Variants in CSMD1 observed in about 807,000 individuals in gnomAD.
The protein encoded by CSMD1 is CUB and sushi domain-containing protein 1.
CSMD1 carries 213 observed loss-of-function variants against 417.5 expected under a neutral mutation model. The observed-to-expected ratio is 0.51, with a 90% CI of 0.46 to 0.57. The LOEUF (loss-of-function observed/expected upper bound fraction) is 0.57. Ranked by LOEUF, CSMD1 falls within the 20% of genes least tolerant of loss-of-function variation. CSMD1 has a pLI of 0.00. For synonymous variants in CSMD1, 2,862 were observed against 1,736.8 expected (o/e 1.65, Z -16.11); for missense variants, 6,923 against 4,529.7 (o/e 1.53, Z -15.17).
At chr8:3,102,408 T>G (rs1225575403) in intron 46 of CSMD1, among the ~76,000 whole-genome samples, 2 of 152,198 alleles carry the variant, frequency 1.3e-5, no homozygotes, top group Non-Finnish European at 2.9e-5. Flanking sequence ...GTTATCCTGT[T>G]CGCCTCCTGA....
intron 7 of CSMD1, among the ~76,000 whole-genome samples, chr8:3,661,003 G>T (rs1798390155): frequency 1.3e-5 from 2 of 152,314 alleles, no homozygotes; most frequent in Middle Eastern, 6.8e-3. Context: ...CCAGCACCCA[G>T]CGTCAACTGC....
intron 1 of CSMD1, among the ~76,000 whole-genome samples, chr8:4,737,485 G>T (rs966771346): frequency 2.0e-5 from 3 of 151,960 alleles, no homozygotes; most frequent in Non-Finnish European, 2.9e-5. Context: ...TACCCCTGAA[G>T]TTAAAATAAC....
intron 1 of CSMD1, among the ~76,000 whole-genome samples, chr8:4,833,693 A>C (rs1478964675): frequency 6.6e-6 from 1 of 152,216 alleles, no homozygotes. Context: ...AGCTGGATCA[A>C]TATCTAGTGG....
intron 50 of CSMD1, among the ~76,000 whole-genome samples, chr8:3,030,275 A>T (rs1016062565): frequency 2.6e-5 from 4 of 152,008 alleles, no homozygotes; most frequent in Non-Finnish European, 5.9e-5. Context: ...TTCTTTGAAA[A>T]GTGCAAGATG....
intron 52 of CSMD1, among the ~76,000 whole-genome samples, chr8:3,018,156 A>G (rs1809021488): frequency 6.6e-6 from 1 of 152,262 alleles, no homozygotes; most frequent in Admixed American, 6.5e-5. Flanking sequence ...AAATTTTTAA[A>G]AACATAAAAT....
chr8:4,458,958 A>T (rs1037622004), intron 2 of CSMD1, among the ~76,000 whole-genome samples: 4 of 152,210 alleles, frequency 2.6e-5, no homozygotes, highest in African/African-American at 4.8e-5. Context: ...ACCAACGAGG[A>T]AACATCTAAC....
chr8:4,316,622 C>G (rs1585218333), intron 3 of CSMD1, among the ~76,000 whole-genome samples: 1 of 151,976 alleles, frequency 6.6e-6, no homozygotes, highest in South Asian at 2.1e-4. Flanking sequence ...ACACCCGTGA[C>G]AGAAGGTGAA....
chr8:3,476,669 C>T (rs1563075070), intron 11 of CSMD1, among the ~76,000 whole-genome samples: 1 of 152,036 alleles, frequency 6.6e-6, no homozygotes, highest in African/African-American at 2.4e-5. Context: ...GTAATGCCAG[C>T]ACTTTTTTGA....
chr8:4,438,430 C>T (rs1341207819), intron 2 of CSMD1, among the ~76,000 whole-genome samples: 1 of 152,164 alleles, frequency 6.6e-6, no homozygotes, highest in Admixed American at 6.5e-5. Context: ...CTCTACCCAT[C>T]CACATGACGC....
chr8:3,297,211 G>T (rs771609660), intron 25 of CSMD1, among the ~76,000 whole-genome samples: 2 of 152,090 alleles, frequency 1.3e-5, no homozygotes, highest in Non-Finnish European at 2.9e-5. Flanking sequence ...CAATATCAAG[G>T]ACCAGAAAGT....
chr8:3,431,921 A>G (rs911697286), intron 12 of CSMD1, among the ~76,000 whole-genome samples: 3 of 152,318 alleles, frequency 2.0e-5, no homozygotes, highest in Middle Eastern at 3.4e-3. Flanking sequence ...CTGCCTTGAC[A>G]TGACTTTACT....
rs768031717 is a variant in CSMD1 at position 3,230,089 on chromosome 8, C to T, written c.4296G>A (p.Val1432=). 1 of 1,613,276 alleles carries T rather than the reference C, an allele frequency of 6.2e-7. No homozygotes were observed. Among genetic ancestry groups the T allele is most frequent in the South Asian group, 1.1e-5 (1 of 91,014 alleles). The part of the protein sequence containing the change: ...QLQGQAKITC[V]QLNNRFFWQP... ...GCCAAAAGAACCGGTTATTCAGCTG[C>T]ACACAGGTGATTTTGGCTTGTCCTT... Residue 1432 remains valine, a synonymous_variant, in exon 27 of 70, where the codon GTG becomes GTA. Transcript: ENST00000635120.
At chr8:3,523,656 G>A (rs1206962493) in intron 10 of CSMD1, among the ~76,000 whole-genome samples, 1 of 126,912 alleles carries the variant, frequency 7.9e-6, no homozygotes, top group African/African-American at 3.2e-5. Flanking sequence ...CACAGGCACA[G>A]TTACACATGC....
intron 3 of CSMD1, among the ~76,000 whole-genome samples, chr8:4,299,589 C>T (rs1345671581): frequency 1.3e-5 from 2 of 152,072 alleles, no homozygotes; most frequent in African/African-American, 2.4e-5. Flanking sequence ...AGAAATATGC[C>T]CCATATTGGC....
intron 3 of CSMD1, among the ~76,000 whole-genome samples, chr8:4,373,748 T>C (rs1802543836): frequency 6.6e-6 from 1 of 152,236 alleles, no homozygotes; most frequent in Non-Finnish European, 1.5e-5. Context: ...CACTGTGCCA[T>C]CTTATTATCA....
intron 5 of CSMD1, among the ~76,000 whole-genome samples, chr8:3,850,123 G>A (rs2954224): frequency 0.17 from 25,833 of 152,190 alleles, 2,433 homozygotes; most frequent in East Asian, 0.4. Context: ...ATACATTTGG[G>A]CGATGTCGCC....
intron 3 of CSMD1, among the ~76,000 whole-genome samples, chr8:4,175,133 G>A (rs892704468): frequency 6.6e-5 from 10 of 151,978 alleles, no homozygotes; most frequent in African/African-American, 2.4e-4. Flanking sequence ...GAGGAATAGT[G>A]TAAGACCTCG....
At chr8:4,507,808 G>A (rs1353534861) in intron 2 of CSMD1, among the ~76,000 whole-genome samples, 1 of 152,138 alleles carries the variant, frequency 6.6e-6, no homozygotes, top group Non-Finnish European at 1.5e-5. Flanking sequence ...ATATGAGAAT[G>A]TCTGCTTGTA....
At chr8:4,514,199 A>T (rs1220926954) in intron 2 of CSMD1, among the ~76,000 whole-genome samples, 4 of 152,120 alleles carry the variant, frequency 2.6e-5, no homozygotes, top group Non-Finnish European at 5.9e-5. Flanking sequence ...CCGTGTCCTC[A>T]TAAGGCAGAG....
Sources: gnomAD v4.1 joint callset for allele counts (sites outside exome capture counted in the v4.1 genomes callset) on GRCh38, gnomAD v4.1.1 for gene constraint, MANE v1.5 for transcripts, NCBI Gene and HGNC (gene_info 2026-07-23, HGNC 2026-07-21) for gene names.